LRRC66: variants seen among roughly 807,000 people sequenced by gnomAD.
LRRC66 encodes leucine rich repeat containing 66, also known as leucine-rich repeat-containing protein 66.
A neutral mutation model predicts 24.6 loss-of-function variants in LRRC66; 29 were observed. The observed-to-expected ratio is 1.18, with a 90% confidence interval of 0.88 to 1.61. The LOEUF is 1.61. Among genes scored for constraint, LRRC66 ranks in the 40% most tolerant of loss-of-function variants. The pLI, the probability that LRRC66 is intolerant of heterozygous loss-of-function variation, is 0.00. For missense variants in LRRC66, 1,124 were observed against 1,058.0 expected, an observed-to-expected ratio of 1.06 and a Z score of -0.87; for synonymous variants, 411 against 397.6, an observed-to-expected ratio of 1.03 and a Z score of -0.40.
chr4:51,999,326 G>T (rs1364371692), intron 3 of LRRC66, among the ~76,000 whole-genome samples: 1 of 152,154 alleles, frequency 6.6e-6, no homozygotes, highest in Non-Finnish European at 1.5e-5. Context: ...CTAAAGAAGG[G>T]CTTATTCAAG....
intron 3 of LRRC66, among the ~76,000 whole-genome samples, chr4:52,002,374 A>T (rs1363327738): frequency 6.6e-6 from 1 of 151,988 alleles, no homozygotes. Flanking sequence ...GAGATGGGGG[A>T]CTAAGGACTC....
intron 2 of LRRC66, among the ~76,000 whole-genome samples, chr4:52,012,843 T>G (rs1292585096): frequency 6.6e-6 from 1 of 152,170 alleles, no homozygotes. Context: ...TTCCAAGAAA[T>G]GACCTGTCTC....
In LRRC66 at chr4:51,993,850, G is replaced by GA. The variant is rs1736221538; in HGVS notation, c.*528dup. ...TCCACTTAAGTGCTTCAATATGTAT[G>GA]AAAAAATGTCATTTGAATTCTCTTT... On this transcript the variant is annotated 3_prime_UTR_variant, in exon 5 of 5. Coordinates refer to ENST00000682860, the MANE Select transcript of LRRC66 (RefSeq NM_001024611.3). 1.3e-5 allele frequency: 2 copies of GA among 152,320 alleles called. No homozygotes were observed. The highest frequency in any genetic ancestry group is 4.1e-4 in the South Asian group (2 of 4,840). 9.4% of individuals were successfully genotyped at this position (152,320 alleles called of 1,614,324 possible).
chr4:51,997,294 T>C (rs1468049096), intron 4 of LRRC66, among the ~76,000 whole-genome samples: 1 of 152,254 alleles, frequency 6.6e-6, no homozygotes, highest in African/African-American at 2.4e-5. Flanking sequence ...TTTAGAGTGT[T>C]AGCAAACATT....
rs776975067 is a variant in LRRC66, at chr4:52,017,213, GAGGACTT to G, written c.394_400del (p.Lys132HisfsTer3). ...GCTGCTTCTGTGGCGTTTCACCCAT[GAGGACTT>G]AGGACTGAGTAGATCCAATGAGAGG... On this transcript the variant is annotated frameshift_variant, in exon 2 of 5. Coordinates refer to ENST00000682860, the MANE Select transcript of LRRC66 (RefSeq NM_001024611.3). LOFTEE classifies it high-confidence loss of function. 1.5e-5 allele frequency: 24 copies of G among 1,614,028 alleles called. No individual in the cohort carries two copies. The highest frequency in any genetic ancestry group is 4.4e-5 in the South Asian group (4 of 91,082).
chr4:52,020,024 C>T lies in LRRC66; in HGVS notation c.-6+280G>A, dbSNP rs189736074. On this transcript the variant is annotated intron_variant, in intron 1 of 4. Transcript: ENST00000682860. ...CCACTCAGAACTCCAGAAAAAGTTG[C>T]TTAGAAAACTGGAAACAATTAGGCA... is the stretch of plus-strand genomic sequence containing the variant. Among the ~76,000 whole-genome samples, 445 of 151,846 alleles carry T rather than the reference C, an allele frequency of 2.9e-3. 10 individuals carry two copies. The highest frequency in any genetic ancestry group is 0.023 in the Admixed American group (347 of 15,264).
intron 2 of LRRC66, among the ~76,000 whole-genome samples, chr4:52,011,941 T>C (rs1376199797): frequency 6.6e-6 from 1 of 152,018 alleles, no homozygotes; most frequent in Non-Finnish European, 1.5e-5. Context: ...TCCCAGCACT[T>C]TGGGAGGCTG....
intron 3 of LRRC66, among the ~76,000 whole-genome samples, chr4:51,999,964 A>G (rs937277545): frequency 1.3e-5 from 2 of 152,238 alleles, no homozygotes; most frequent in Non-Finnish European, 2.9e-5. Flanking sequence ...ATGCTTTGAA[A>G]AATCTATCTG....
rs2110192343 is a variant in LRRC66, at chr4:51,997,814, C to T, written c.790G>A (p.Val264Ile). 9 of 1,614,074 alleles carry T rather than the reference C, an allele frequency of 5.6e-6. No homozygotes were observed. The highest frequency in any genetic ancestry group is 2.7e-5 in the African/African-American group (2 of 75,036). ...GATTCAGAAATAAAATTTTGAAAGA[C>T]TGCCACACTATCATCACACTGCCAG... is the stretch of plus-strand genomic sequence containing the variant. ...NNWQCDDSVAVFQNFISESWR... is the reference protein window; with the variant it reads ...NNWQCDDSVAIFQNFISESWR... Residue 264 changes from valine (V) to isoleucine (I), a missense_variant, in exon 4 of 5, where the codon GTC becomes ATC. Val to Ile is a conservative substitution (Grantham distance 29). Transcript: ENST00000682860.
intron 2 of LRRC66, among the ~76,000 whole-genome samples, chr4:52,015,117 G>T (rs1329258198): frequency 6.6e-6 from 1 of 152,096 alleles, no homozygotes; most frequent in Non-Finnish European, 1.5e-5. Context: ...CTCTTGTGGT[G>T]GGGTAATATT....
intron 3 of LRRC66, among the ~76,000 whole-genome samples, chr4:52,001,511 G>A (rs781702880): frequency 1.2e-4 from 18 of 152,186 alleles, no homozygotes; most frequent in Non-Finnish European, 1.5e-4. Context: ...AAGAGCAGGC[G>A]ACAGTGGCCA....
chr4:52,008,501 A>C (rs190424911), intron 2 of LRRC66, among the ~76,000 whole-genome samples: 24 of 152,138 alleles, frequency 1.6e-4, no homozygotes, highest in African/African-American at 5.5e-4. Context: ...GAAAATATTA[A>C]TATATTTGAT....
rs1469332162 is a variant in LRRC66, at chr4:52,017,080, T to A, written c.496+38A>T. ...CTTATGAACATGAAACAACTCCACGTAAGCATTGTTTCTCTGCCTAGTTAA... is the reference window on the plus strand; with the variant it reads ...CTTATGAACATGAAACAACTCCACGAAAGCATTGTTTCTCTGCCTAGTTAA... On this transcript the variant is annotated intron_variant, in intron 2 of 4. Transcript: ENST00000682860. 4 of 1,559,660 alleles carry A rather than the reference T, an allele frequency of 2.6e-6. No individual in the cohort carries two copies. The African/African-American group carries it at 5.5e-5, about 21-fold the overall frequency.
chr4:51,994,409 G>A lies in LRRC66; in HGVS notation c.2613C>T (p.Phe871=), dbSNP rs1337159630. 6.2e-7 allele frequency: 1 copy of A among 1,612,428 alleles called. No individual in the cohort carries two copies. The highest frequency in any genetic ancestry group is 1.1e-5 in the South Asian group (1 of 90,614). ...TTAAAATGTCTGAGTCTCTTTCATGGAAGGCAGCCTTATCAGGATCTGAGG... is the reference window on the plus strand; with the variant it reads ...TTAAAATGTCTGAGTCTCTTTCATGAAAGGCAGCCTTATCAGGATCTGAGG... ...EVPSDPDKAA[F]HERDSDILK The change falls in exon 5 of 5, where the codon TTC becomes TTT. Residue 871 remains phenylalanine, a synonymous_variant. Transcript: ENST00000682860.
intron 2 of LRRC66, among the ~76,000 whole-genome samples, chr4:52,013,539 T>C (rs975196454): frequency 6.6e-6 from 1 of 152,252 alleles, no homozygotes; most frequent in Non-Finnish European, 1.5e-5. Context: ...AGTTTTTCAA[T>C]TATGAATGCT....
At position 52,003,205 on chromosome 4, in the gene LRRC66, T is replaced by TA; in HGVS notation, c.666+17dup. Reference sequence around the variant, plus strand: ...ATGTGTCTTCCTTATTCAAATATTATAAAAATGATTTTAGAACCTGTAATT... The same window carrying TA: ...ATGTGTCTTCCTTATTCAAATATTATAAAAAATGATTTTAGAACCTGTAATT... On this transcript the variant is annotated intron_variant, in intron 3 of 4. Coordinates refer to ENST00000682860, the MANE Select transcript of LRRC66 (RefSeq NM_001024611.3). The TA allele has an allele frequency of 6.3e-7, 1 of 1,585,632 alleles. No homozygotes were observed. Among genetic ancestry groups the TA allele is most frequent in the Non-Finnish European group, 8.6e-7 (1 of 1,162,270 alleles).
At chr4:52,014,480 T>A (rs1184097444) in intron 2 of LRRC66, among the ~76,000 whole-genome samples, 1 of 152,192 alleles carries the variant, frequency 6.6e-6, no homozygotes, top group Non-Finnish European at 1.5e-5. Flanking sequence ...TTTCATTTTA[T>A]CCTTACAATG....
Position 51,994,709 on chromosome 4 carries a change from A to G in LRRC66, c.2313T>C (p.Asp771=). 2.5e-6 allele frequency: 4 copies of G among 1,614,094 alleles called. No individual in the cohort carries two copies. The South Asian group carries it at 4.4e-5, about 18-fold the overall frequency. The part of the protein sequence containing the change: ...TIPGKCKNQE[D]PFEKPLISAP... ...CAGAAATGAGAGGTTTTTCAAAGGG[A>G]TCTTCTTGATTCTTGCATTTCCCTG... Residue 771 remains aspartate, a synonymous_variant, in exon 5 of 5, where the codon GAT becomes GAC. Transcript: ENST00000682860.
At chr4:52,007,170 C>T (rs1416832004) in intron 2 of LRRC66, among the ~76,000 whole-genome samples, 4 of 151,948 alleles carry the variant, frequency 2.6e-5, no homozygotes, top group African/African-American at 4.8e-5. Flanking sequence ...TTTATTCCAC[C>T]TTTATCTGTG....
Sources: gnomAD v4.1 joint callset for allele counts (sites outside exome capture counted in the v4.1 genomes callset) on GRCh38, gnomAD v4.1.1 for gene constraint, MANE v1.5 for transcripts, NCBI Gene and HGNC (gene_info 2026-07-23, HGNC 2026-07-21) for gene names.